ALKBH1: variants seen among roughly 807,000 people sequenced by gnomAD.
ALKBH1 encodes alkB homolog 1, histone H2A dioxygenase.
In ALKBH1, 31 loss-of-function variants were observed where a neutral mutation model predicts 36.6. The observed-to-expected ratio is 0.85, with a 90% CI of 0.64 to 1.14. The LOEUF is 1.14. Ranked by LOEUF, ALKBH1 falls within the 50% of genes most tolerant of loss-of-function variation. ALKBH1 has a pLI of 0.00. For missense variants in ALKBH1, 490 were observed against 497.3 expected (o/e 0.99, Z 0.14); for synonymous variants, 183 against 186.6 (o/e 0.98, Z 0.16).
rs367848738 is a variant in ALKBH1 at position 77,679,824 on chromosome 14, T to C, written c.546+56A>G. 5.6e-5 allele frequency: 71 copies of C among 1,277,456 alleles called. No homozygotes were observed. The African/African-American group carries it at 9.3e-4, about 17-fold the overall frequency. The allele number at this position is 1,277,456 out of a possible 1,614,324, so 79.1% of individuals were successfully genotyped here. A position where few individuals can be genotyped will look rare whatever the true frequency, so the allele number is the denominator to read the frequency against. ...GCGTGGTTAGGAAGAAATACAACTA[T>C]GTGGGCTAAAGAAGCCTATAAACAG... On this transcript the variant is annotated intron_variant, in intron 4 of 5. Coordinates refer to ENST00000216489, the MANE Select transcript of ALKBH1 (RefSeq NM_006020.3).
chr14:77,701,941 T>C (rs908776932), intron 2 of ALKBH1, among the ~76,000 whole-genome samples: 5 of 152,134 alleles, frequency 3.3e-5, no homozygotes, highest in Non-Finnish European at 7.4e-5. Flanking sequence ...GGGGTTAAGT[T>C]TGTGGCATGA....
chr14:77,687,531 T>A (rs374091861), intron 3 of ALKBH1, among the ~76,000 whole-genome samples: 1 of 152,032 alleles, frequency 6.6e-6, no homozygotes, highest in African/African-American at 2.4e-5. Flanking sequence ...ATTAAACTTT[T>A]AAAAAATTCA....
Position 77,707,943 on chromosome 14 carries a change from T to G in ALKBH1, c.62A>C (p.Asp21Ala). ...GAAGCGGAAAAGTTTCCGAAAGGCGTCCTCCCCGGGCTCAGTCGCCAGAGT... is the reference window on the plus strand; with the variant it reads ...GAAGCGGAAAAGTTTCCGAAAGGCGGCCTCCCCGGGCTCAGTCGCCAGAGT... ...VATLATEPGE[D>A]AFRKLFRFYR... Residue 21 changes from aspartate (D) to alanine (A), a missense_variant, in exon 1 of 6, where the codon GAC becomes GCC. By Grantham distance (126) the Asp-to-Ala change is moderately radical (BLOSUM62 -2). Coordinates refer to ENST00000216489, the MANE Select transcript of ALKBH1 (RefSeq NM_006020.3). 1 of 1,612,946 alleles carries G rather than the reference T, an allele frequency of 6.2e-7. No individual in the cohort carries two copies. Among genetic ancestry groups the G allele is most frequent in the Non-Finnish European group, 8.5e-7 (1 of 1,179,904 alleles).
Position 77,698,919 on chromosome 14 carries a change from T to C in ALKBH1, c.293-4019A>G, listed in dbSNP as rs184445996. On this transcript the variant is annotated intron_variant, in intron 2 of 5. Transcript: ENST00000216489. ...TTGGACTACCATGCCTGGCTAATTT[T>C]TGTATTTTAATTTATTTTCTATTTT... 9.1e-4 allele frequency among the ~76,000 whole-genome samples: 139 copies of C among 152,312 alleles called. 1 individual carries two copies. The highest frequency in any genetic ancestry group is 1.8e-3 in the Non-Finnish European group (123 of 68,032).
At chr14:77,688,872 T>C (rs893835522) in intron 3 of ALKBH1, among the ~76,000 whole-genome samples, 1 of 152,200 alleles carries the variant, frequency 6.6e-6, no homozygotes, top group Admixed American at 6.5e-5. Context: ...GCGCCTGGCC[T>C]GAACTAAATT....
intron 3 of ALKBH1, chr14:77,691,918 C>G (rs774997488): frequency 6.6e-6 from 1 of 152,108 alleles, no homozygotes; most frequent in South Asian, 2.1e-4. Flanking sequence ...CTCTCAGTTG[C>G]GAAGAAGACA....
chr14:77,673,506 A>G lies in ALKBH1; in HGVS notation c.*306T>C, dbSNP rs61992871. ...TCTGCAAACATGGAAACTCACTTCT[A>G]CCTTCCTCAAAGGAAATAGCAGAGG... On this transcript the variant is annotated 3_prime_UTR_variant, in exon 6 of 6. Coordinates refer to ENST00000216489, the MANE Select transcript of ALKBH1 (RefSeq NM_006020.3). 1.3e-3 allele frequency: 433 copies of G among 329,180 alleles called. No individual in the cohort carries two copies. The highest frequency in any genetic ancestry group is 2.0e-3 in the Non-Finnish European group (356 of 178,424). The allele number at this position is 329,180 out of a possible 1,614,324, so 20.4% of individuals were successfully genotyped here.
intron 2 of ALKBH1, among the ~76,000 whole-genome samples, chr14:77,695,466 T>C (rs2080321795): frequency 6.6e-6 from 1 of 152,220 alleles, no homozygotes; most frequent in Admixed American, 6.5e-5. Flanking sequence ...GGGTCACTAA[T>C]GGAAGACTGG....
intron 5 of ALKBH1, among the ~76,000 whole-genome samples, chr14:77,674,755 TTGG>T (rs1157531095): frequency 5.3e-5 from 8 of 152,158 alleles, no homozygotes; most frequent in African/African-American, 1.9e-4. Context: ...TTTTACCGTG[TTGG>T]CCAGGCTGGT....
chr14:77,684,820 C>T (rs1316258812), intron 3 of ALKBH1, among the ~76,000 whole-genome samples: 1 of 152,134 alleles, frequency 6.6e-6, no homozygotes, highest in Non-Finnish European at 1.5e-5. Flanking sequence ...AGTATCGGTA[C>T]TACAGACATG....
intron 3 of ALKBH1, chr14:77,691,648 C>T (rs2080297593): frequency 6.6e-6 from 1 of 152,186 alleles, no homozygotes; most frequent in Non-Finnish European, 1.5e-5. Flanking sequence ...ATATCAATTT[C>T]TTCCAACCCT....
chr14:77,683,851 C>T (rs2080252733), intron 3 of ALKBH1: 1 of 163,422 alleles, frequency 6.1e-6, no homozygotes, highest in African/African-American at 2.4e-5. Context: ...GGATTACAGG[C>T]ATGTGCCACT....
intron 3 of ALKBH1, chr14:77,683,229 T>C: frequency 2.7e-6 from 2 of 748,198 alleles, no homozygotes; most frequent in Non-Finnish European, 5.0e-6. Context: ...AGAGAATAGG[T>C]TCCAGCAGCT....
At chr14:77,681,921 G>A (rs1240418702) in intron 3 of ALKBH1, among the ~76,000 whole-genome samples, 3 of 152,274 alleles carry the variant, frequency 2.0e-5, no homozygotes, top group Admixed American at 1.3e-4. Context: ...GACTTTTGGA[G>A]GCATGCACCT....
In ALKBH1 at chr14:77,695,869, C is replaced by T. The variant is rs551179531; in HGVS notation, c.293-969G>A. On this transcript the variant is annotated intron_variant, in intron 2 of 5. Coordinates refer to ENST00000216489, the MANE Select transcript of ALKBH1 (RefSeq NM_006020.3). Reference sequence around the variant, plus strand: ...CAGCACTTTGGGAGGCTGAGGTGGGCGGATCACATGAGGTCAGGAGTTTGA... The same window carrying T: ...CAGCACTTTGGGAGGCTGAGGTGGGTGGATCACATGAGGTCAGGAGTTTGA... 2.9e-4 allele frequency among the ~76,000 whole-genome samples: 44 copies of T among 152,056 alleles called. 1 individual carries two copies. Among genetic ancestry groups the T allele is most frequent in the African/African-American group, 8.9e-4 (37 of 41,490 alleles).
At chr14:77,704,594 A>T (rs185093737) in intron 1 of ALKBH1, 117 bp from the exon 2 acceptor site, 16 of 773,338 alleles carry the variant, frequency 2.1e-5, no homozygotes, top group Middle Eastern at 2.4e-4. Context: ...CTTGTTTAAG[A>T]TACAGAACCT....
At chr14:77,676,688 A>G (rs374267566) in intron 4 of ALKBH1, among the ~76,000 whole-genome samples, 2 of 152,258 alleles carry the variant, frequency 1.3e-5, no homozygotes, top group African/African-American at 4.8e-5. Flanking sequence ...TAAAATGTTA[A>G]TAATAGGGGG....
chr14:77,694,136 T>C (rs2080313812), intron 3 of ALKBH1, among the ~76,000 whole-genome samples: 2 of 152,228 alleles, frequency 1.3e-5, no homozygotes, highest in Admixed American at 6.5e-5. Flanking sequence ...ATTATTCTCA[T>C]AGGTAATGCA....
intron 4 of ALKBH1, among the ~76,000 whole-genome samples, chr14:77,678,317 G>C (rs1273145347): frequency 6.6e-6 from 1 of 152,120 alleles, no homozygotes; most frequent in Non-Finnish European, 1.5e-5. Context: ...TTCCTACTGA[G>C]TCTGTATTGC....
Sources: gnomAD v4.1 joint callset for allele counts (sites outside exome capture counted in the v4.1 genomes callset) on GRCh38, gnomAD v4.1.1 for gene constraint, MANE v1.5 for transcripts, NCBI Gene and HGNC (gene_info 2026-07-23, HGNC 2026-07-21) for gene names.